FAR2: variants seen among roughly 807,000 people sequenced by gnomAD.
FAR2 encodes fatty acyl-CoA reductase 2.
In FAR2, 19 loss-of-function variants were observed where a neutral mutation model predicts 56.0. That is an observed-to-expected ratio of 0.34 (90% confidence interval 0.24 to 0.50). FAR2 has a LOEUF of 0.50. Among genes scored for constraint, FAR2 ranks in the 20% least tolerant of loss-of-function variants. The pLI is 0.98. For synonymous variants in FAR2, 219 were observed against 218.8 expected, an observed-to-expected ratio of 1.00 and a Z score of -0.01; for missense variants, 508 against 642.2, an observed-to-expected ratio of 0.79 and a Z score of 2.26.
intron 7 of FAR2, among the ~76,000 whole-genome samples, chr12:29,311,661 C>G (rs1354191515): frequency 1.7e-5 from 2 of 118,222 alleles, no homozygotes; most frequent in Admixed American, 1.6e-4. Context: ...TATTTAACAT[C>G]TCTTTCACAC....
intron 1 of FAR2, among the ~76,000 whole-genome samples, chr12:29,243,134 C>G (rs553600134): frequency 1.3e-5 from 2 of 152,272 alleles, no homozygotes; most frequent in East Asian, 1.9e-4. Flanking sequence ...AGCAGGCCAG[C>G]TAGAGGTGGG....
chr12:29,185,201 G>T (rs899620987), intron 1 of FAR2, among the ~76,000 whole-genome samples: 13 of 152,062 alleles, frequency 8.5e-5, no homozygotes, highest in Non-Finnish European at 1.2e-4. Flanking sequence ...TACTACAAAA[G>T]GCAGCATATG....
intron 1 of FAR2, chr12:29,156,594 A>C (rs1243217462): frequency 1.3e-5 from 2 of 152,182 alleles, no homozygotes; most frequent in Admixed American, 1.3e-4. Context: ...AGCAGATTGG[A>C]TTTCCTATGA....
chr12:29,263,492 G>C (rs907996372), intron 1 of FAR2, among the ~76,000 whole-genome samples: 1 of 151,790 alleles, frequency 6.6e-6, no homozygotes, highest in Non-Finnish European at 1.5e-5. Context: ...TCAACAACAA[G>C]ACCAATTTTG....
chr12:29,234,179 A>G (rs1565481884), intron 1 of FAR2, among the ~76,000 whole-genome samples: 2 of 151,784 alleles, frequency 1.3e-5, no homozygotes, highest in Non-Finnish European at 2.9e-5. Context: ...TGATGTGCTG[A>G]CCCTCCAAAC....
intron 1 of FAR2, among the ~76,000 whole-genome samples, chr12:29,183,835 T>TATC: frequency 6.6e-6 from 1 of 152,380 alleles, no homozygotes; most frequent in East Asian, 1.9e-4. Context: ...CACAATCATG[T>TATC]ATCATTCATG....
intron 1 of FAR2, among the ~76,000 whole-genome samples, chr12:29,172,654 A>G (rs1297465758): frequency 6.6e-6 from 1 of 152,138 alleles, no homozygotes; most frequent in Non-Finnish European, 1.5e-5. Flanking sequence ...CTCCTGATAT[A>G]TGCAGCTGAT....
At chr12:29,260,510 T>G (rs1048342514) in intron 1 of FAR2, among the ~76,000 whole-genome samples, 2 of 152,176 alleles carry the variant, frequency 1.3e-5, no homozygotes, top group Non-Finnish European at 2.9e-5. Context: ...ATATTTGGAC[T>G]CTGGGCCTTA....
chr12:29,285,823 G>A (rs775878642), intron 2 of FAR2, among the ~76,000 whole-genome samples: 7 of 151,978 alleles, frequency 4.6e-5, no homozygotes, highest in East Asian at 1.9e-4. Context: ...GGAGGCTGAC[G>A]CAGGAGAATC....
intron 10 of FAR2, among the ~76,000 whole-genome samples, chr12:29,332,202 A>C (rs1161315981): frequency 6.6e-6 from 1 of 152,226 alleles, no homozygotes; most frequent in Non-Finnish European, 1.5e-5. Context: ...GGATAACACC[A>C]AAATTTAAGA....
chr12:29,325,583 A>G (rs1949630679), intron 10 of FAR2, among the ~76,000 whole-genome samples: 1 of 152,244 alleles, frequency 6.6e-6, no homozygotes, highest in Admixed American at 6.5e-5. Flanking sequence ...ACTAGAACTC[A>G]GGATTAGGAA....
intron 1 of FAR2, among the ~76,000 whole-genome samples, chr12:29,262,943 G>A (rs1176886807): frequency 1.3e-5 from 2 of 151,934 alleles, no homozygotes; most frequent in Non-Finnish European, 2.9e-5. Flanking sequence ...TGAAAATAAA[G>A]GGATGGAAAA....
intron 10 of FAR2, among the ~76,000 whole-genome samples, chr12:29,327,402 A>C (rs563270365): frequency 1.1e-4 from 16 of 152,158 alleles, no homozygotes; most frequent in African/African-American, 3.9e-4. Context: ...GGAAAAAACT[A>C]CTTTAAAGTT....
chr12:29,154,959 T>G (rs967802600), intron 1 of FAR2, among the ~76,000 whole-genome samples: 1 of 152,208 alleles, frequency 6.6e-6, no homozygotes, highest in African/African-American at 2.4e-5. Context: ...ACCATAAGCT[T>G]CTCTCATCTC....
chr12:29,279,761 A>G (rs1343084070), intron 2 of FAR2, among the ~76,000 whole-genome samples: 4 of 152,156 alleles, frequency 2.6e-5, no homozygotes, highest in Non-Finnish European at 5.9e-5. Context: ...CTCCTCAATC[A>G]GAGAGATAGA....
chr12:29,225,295 G>A (rs990435929), intron 1 of FAR2, among the ~76,000 whole-genome samples: 1 of 152,108 alleles, frequency 6.6e-6, no homozygotes, highest in East Asian at 1.9e-4. Context: ...AGAACGTTTA[G>A]ACAATTTGTT....
intron 1 of FAR2, among the ~76,000 whole-genome samples, chr12:29,203,151 G>A (rs189735710): frequency 1.5e-4 from 23 of 152,230 alleles, no homozygotes; most frequent in African/African-American, 4.8e-4. Flanking sequence ...CTGATATTTT[G>A]TATTTTACAG....
At chr12:29,234,907 C>G (rs1162698827) in intron 1 of FAR2, among the ~76,000 whole-genome samples, 2 of 152,184 alleles carry the variant, frequency 1.3e-5, no homozygotes, top group East Asian at 3.8e-4. Context: ...TTCAATTACT[C>G]ACCTTAGCAA....
chr12:29,272,735 A>AT (rs1453507684), intron 2 of FAR2, among the ~76,000 whole-genome samples: 2 of 151,856 alleles, frequency 1.3e-5, no homozygotes, highest in African/African-American at 4.8e-5. Context: ...GGTTTTTGGC[A>AT]TTTTTTCCAT....
Sources: gnomAD v4.1 joint callset for allele counts (sites outside exome capture counted in the v4.1 genomes callset) on GRCh38, gnomAD v4.1.1 for gene constraint, MANE v1.5 for transcripts, NCBI Gene and HGNC (gene_info 2026-07-23, HGNC 2026-07-21) for gene names.